ARL17A: variants seen among roughly 807,000 people sequenced by gnomAD.
The protein encoded by ARL17A is ADP-ribosylation factor-like 17-like.
chr17:46,532,703 A>C (rs1191855073), intron 4 of ARL17A, among the ~76,000 whole-genome samples: 2 of 145,678 alleles, frequency 1.4e-5, no homozygotes, highest in Admixed American at 1.3e-4. Context: ...AATTATTAGC[A>C]TATATTGTTT....
chr17:46,548,727 T>C, downstream of ARL17A: 1 of 1,610,022 alleles, frequency 6.2e-7, no homozygotes, highest in African/African-American at 1.4e-5. Context: ...CCCAGGCATC[T>C]GTGGAGAACG....
chr17:46,549,241 C>T, downstream of ARL17A: 1 of 1,611,220 alleles, frequency 6.2e-7, no homozygotes, highest in East Asian at 2.2e-5. Flanking sequence ...CCTGAGTCCT[C>T]AAGAAAACCC....
chr17:46,552,466 G>A (rs1335564745), downstream of ARL17A: 1 of 34,756 alleles, frequency 2.9e-5, no homozygotes, highest in Non-Finnish European at 5.3e-5. Flanking sequence ...GTAGAGACAA[G>A]GTCTTGCTAT....
At chr17:46,503,320 C>G in the ARL17A span, among the ~76,000 whole-genome samples, 3 of 149,570 alleles carry the variant, frequency 2.0e-5, no homozygotes, top group Non-Finnish European at 2.9e-5. Context: ...TTTATTCATT[C>G]ACTCAATCAA....
At chr17:46,541,291 G>A (rs1479169028) in intron 3 of ARL17A, among the ~76,000 whole-genome samples, 3 of 149,564 alleles carry the variant, frequency 2.0e-5, no homozygotes, top group Non-Finnish European at 4.4e-5. Context: ...TCACTCTGTC[G>A]CCCAGGCTGC....
At chr17:46,533,376 C>T (rs1271286163) in intron 4 of ARL17A, among the ~76,000 whole-genome samples, 6 of 100,044 alleles carry the variant, frequency 6.0e-5, no homozygotes, top group Admixed American at 2.1e-4. Flanking sequence ...AAAAACTTTG[C>T]TTCTCTAAAG....
chr17:46,541,674 T>C (rs1244652136), intron 3 of ARL17A, among the ~76,000 whole-genome samples: 1 of 150,914 alleles, frequency 6.6e-6, no homozygotes, highest in Non-Finnish European at 1.5e-5. Context: ...GGATGGGGAA[T>C]ATTTGGAAAA....
At chr17:46,551,316 C>G (rs936982337), downstream of ARL17A, among the ~76,000 whole-genome samples, 4 of 150,376 alleles carry the variant, frequency 2.7e-5, no homozygotes, top group Admixed American at 2.0e-4. Context: ...TCCCAACAGG[C>G]CAGTGCTAGC....
chr17:46,533,351 G>GT (rs2054004623), intron 4 of ARL17A, among the ~76,000 whole-genome samples: 1 of 79,386 alleles, frequency 1.3e-5, no homozygotes, highest in Non-Finnish European at 2.1e-5. Context: ...TTCCAACTTT[G>GT]TTTCAATGGT....
In ARL17A at chr17:46,557,045, C is replaced by T. The variant is rs1401539342; in HGVS notation, c.*311G>A. 2.4e-6 allele frequency: 1 copy of T among 419,188 alleles called. No homozygotes were observed. The highest frequency in any genetic ancestry group is 2.5e-5 in the African/African-American group (1 of 40,488). 26.0% of individuals were successfully genotyped at this position (419,188 alleles called of 1,614,324 possible). ...ACGAACGTGCATATGTACCCCCTAACCTAAAAGAAAAGTTTAAAAAGGAAA... is the reference window on the plus strand; with the variant it reads ...ACGAACGTGCATATGTACCCCCTAATCTAAAAGAAAAGTTTAAAAAGGAAA... On this transcript the variant is annotated 3_prime_UTR_variant, in exon 4 of 4. Transcript: ENST00000336125.
At chr17:46,534,948 G>T (rs1191610221) in intron 4 of ARL17A, among the ~76,000 whole-genome samples, 1 of 149,532 alleles carries the variant, frequency 6.7e-6, no homozygotes, top group African/African-American at 2.5e-5. Flanking sequence ...GCCAGGCGTA[G>T]GGGCTCCTCA....
intron 4 of ARL17A, among the ~76,000 whole-genome samples, chr17:46,533,430 A>G (rs963967004): frequency 7.5e-6 from 1 of 132,572 alleles, no homozygotes; most frequent in African/African-American, 3.3e-5. Context: ...GTCACACATT[A>G]CATCTTTATA....
At chr17:46,516,088 CAGG>C (rs1221152848), downstream of ARL17A, among the ~76,000 whole-genome samples, 33 of 143,310 alleles carry the variant, frequency 2.3e-4, no homozygotes, top group South Asian at 2.6e-3. Context: ...ATCATGAGGT[CAGG>C]AGATCAAGAC....
intron 3 of ARL17A, among the ~76,000 whole-genome samples, chr17:46,542,894 AT>A (rs2055650855): frequency 6.7e-6 from 1 of 150,092 alleles, no homozygotes; most frequent in South Asian, 2.1e-4. Context: ...AGGGCCCTTC[AT>A]TTAGCACTCT....
chr17:46,522,370 ATTTC>A (rs2052380730), intron 3 of ARL17A, among the ~76,000 whole-genome samples: 1 of 66,460 alleles, frequency 1.5e-5, no homozygotes, highest in Non-Finnish European at 3.3e-5. Flanking sequence ...GATGTCTTTT[ATTTC>A]TTCTGATATT....
chr17:46,534,808 G>A (rs1438082320), intron 4 of ARL17A, among the ~76,000 whole-genome samples: 23 of 147,888 alleles, frequency 1.6e-4, no homozygotes, highest in East Asian at 5.9e-4. Flanking sequence ...CGGAGGGGGC[G>A]GCTGGCCAGG....
intron 3 of ARL17A, among the ~76,000 whole-genome samples, chr17:46,566,875 CAA>C (rs1019656993): frequency 1.9e-4 from 2 of 10,514 alleles, no homozygotes; most frequent in African/African-American, 2.0e-4. Flanking sequence ...AGAGGAATAA[CAA>C]GATTTAGGAG....
In ARL17A at chr17:46,555,634, AAC is replaced by A; in HGVS notation, c.*1720_*1721del. 1.6e-6 allele frequency: 1 copy of A among 612,102 alleles called. No individual in the cohort carries two copies. Among genetic ancestry groups the A allele is most frequent in the South Asian group, 2.1e-5 (1 of 46,974 alleles). 37.9% of individuals were successfully genotyped at this position (612,102 alleles called of 1,614,324 possible). A position where few individuals can be genotyped will look rare whatever the true frequency, so the allele number is the denominator to read the frequency against. ...TGCAAAAATACATAGAATAAACAAC[AAC>A]AGTTACTAAATGAATGAAAATTGTG... On this transcript the variant is annotated 3_prime_UTR_variant, in exon 4 of 4. Transcript: ENST00000336125.
chr17:46,543,656 A>G (rs1380314221), intron 3 of ARL17A, among the ~76,000 whole-genome samples: 1 of 150,910 alleles, frequency 6.6e-6, no homozygotes, highest in Non-Finnish European at 1.5e-5. Flanking sequence ...TTTTGTCCAG[A>G]AAATGTATAG....
Sources: allele counts gnomAD v4.1 joint callset (sites outside exome capture counted in the v4.1 genomes callset), GRCh38; gene constraint gnomAD v4.1.1; transcripts MANE v1.5; gene names NCBI Gene and HGNC (gene_info 2026-07-23, HGNC 2026-07-21).